Variants in MAN2A1 observed in about 807,000 individuals in gnomAD.
The protein encoded by MAN2A1 is alpha-mannosidase 2.
A neutral mutation model predicts 142.6 loss-of-function variants in MAN2A1; 76 were observed. The observed-to-expected ratio is 0.53, with a 90% CI of 0.44 to 0.65. The LOEUF is 0.65. MAN2A1 is among the 30% of genes least tolerant of loss of function. The probability of loss-of-function intolerance (pLI) is 0.00; values close to 1 mark genes in which losing one functional copy is unlikely to be tolerated. For synonymous variants in MAN2A1, 559 were observed against 473.2 expected, an observed-to-expected ratio of 1.18 and a Z score of -2.35; for missense variants, 1,311 against 1,365.1, an observed-to-expected ratio of 0.96 and a Z score of 0.62.
At chr5:109,756,492 T>C (rs539794785) in intron 5 of MAN2A1, among the ~76,000 whole-genome samples, 7 of 152,234 alleles carry the variant, frequency 4.6e-5, no homozygotes, top group Admixed American at 6.5e-5. Flanking sequence ...ATCCCTATTT[T>C]TTCTTTACTT....
intron 16 of MAN2A1, among the ~76,000 whole-genome samples, chr5:109,824,526 A>T (rs1034185612): frequency 6.6e-6 from 1 of 152,172 alleles, no homozygotes; most frequent in Non-Finnish European, 1.5e-5. Flanking sequence ...CCAACTACAG[A>T]TTTAATCCTA....
At chr5:109,826,540 CA>C (rs1754765684) in intron 16 of MAN2A1, among the ~76,000 whole-genome samples, 1 of 152,124 alleles carries the variant, frequency 6.6e-6, no homozygotes, top group Non-Finnish European at 1.5e-5. Flanking sequence ...CTCCTCTTAA[CA>C]AATCTCCCTC....
chr5:109,829,995 C>G (rs539565479), intron 16 of MAN2A1, among the ~76,000 whole-genome samples: 1 of 152,296 alleles, frequency 6.6e-6, no homozygotes, highest in East Asian at 1.9e-4. Flanking sequence ...CATACTTCCA[C>G]CTAAGCTTCA....
chr5:109,794,594 A>G (rs991430658), intron 12 of MAN2A1, among the ~76,000 whole-genome samples: 3 of 152,116 alleles, frequency 2.0e-5, no homozygotes, highest in Non-Finnish European at 2.9e-5. Flanking sequence ...AAGCTGAGAT[A>G]TTTTTACCTT....
chr5:109,733,397 A>G (rs1432278957), intron 4 of MAN2A1, among the ~76,000 whole-genome samples: 1 of 152,136 alleles, frequency 6.6e-6, no homozygotes, highest in African/African-American at 2.4e-5. Flanking sequence ...TTCCAACACT[A>G]TGTTGAATAG....
intron 8 of MAN2A1, among the ~76,000 whole-genome samples, chr5:109,778,897 C>T (rs779613022): frequency 4.6e-5 from 7 of 151,972 alleles, no homozygotes; most frequent in African/African-American, 9.7e-5. Flanking sequence ...GAAAAATTGA[C>T]GTGGAATAGC....
chr5:109,729,200 T>G, intron 3 of MAN2A1, 142 bp from the exon 4 acceptor site: 1 of 484,466 alleles, frequency 2.1e-6, no homozygotes, highest in East Asian at 3.6e-5. Context: ...GGAGTTTCAT[T>G]AATTGAAAAC....
chr5:109,865,175 T>A, intron 21 of MAN2A1, 29 bp downstream of exon 21: 1 of 1,494,766 alleles, frequency 6.7e-7, no homozygotes, highest in Non-Finnish European at 9.3e-7. Context: ...TTTTGCTTAC[T>A]GTTAGTGTGC....
At chr5:109,729,572 T>G (rs531540159) in intron 4 of MAN2A1, 59 bp downstream of exon 4, 1 of 876,318 alleles carries the variant, frequency 1.1e-6, no homozygotes, top group East Asian at 2.9e-5. Context: ...TACAATGAAC[T>G]AAGTATTGAA....
chr5:109,822,360 T>G (rs1355565882), intron 15 of MAN2A1, among the ~76,000 whole-genome samples: 1 of 152,182 alleles, frequency 6.6e-6, no homozygotes, highest in Non-Finnish European at 1.5e-5. Context: ...CTATAGAATT[T>G]CATGCGTAGA....
chr5:109,827,068 A>C (rs1754778297), intron 16 of MAN2A1, among the ~76,000 whole-genome samples: 1 of 152,170 alleles, frequency 6.6e-6, no homozygotes, highest in African/African-American at 2.4e-5. Flanking sequence ...CCTTAAACCA[A>C]CCAGATGCAG....
At chr5:109,758,324 T>C (rs979812844) in intron 5 of MAN2A1, among the ~76,000 whole-genome samples, 1 of 152,164 alleles carries the variant, frequency 6.6e-6, no homozygotes, top group South Asian at 2.1e-4. Context: ...ATAGATCTTT[T>C]AAGGATAAAT....
At chr5:109,838,972 C>T (rs1172938208) in intron 16 of MAN2A1, among the ~76,000 whole-genome samples, 1 of 152,120 alleles carries the variant, frequency 6.6e-6, no homozygotes, top group Admixed American at 6.5e-5. Flanking sequence ...TCTGGAGATA[C>T]ATGAATTAAA....
intron 1 of MAN2A1, among the ~76,000 whole-genome samples, chr5:109,693,384 G>A (rs1750726348): frequency 6.6e-6 from 1 of 151,426 alleles, no homozygotes; most frequent in South Asian, 2.1e-4. Context: ...TTGAGTTTTA[G>A]TAGAGCCAAG....
At chr5:109,785,291 A>G (rs1184386413) in intron 10 of MAN2A1, among the ~76,000 whole-genome samples, 2 of 151,958 alleles carry the variant, frequency 1.3e-5, no homozygotes, top group African/African-American at 4.8e-5. Context: ...AAAGATTCCT[A>G]CTTCATTGTA....
rs745915647 is a variant in MAN2A1, at chr5:109,788,932, A to G, written c.1761-2A>G. The G allele has an allele frequency of 7.0e-7, 1 of 1,431,382 alleles. No individual in the cohort carries two copies. The highest frequency in any genetic ancestry group is 1.2e-5 in the South Asian group (1 of 83,728). The allele number at this position is 1,431,382 out of a possible 1,614,324, so 88.7% of individuals were successfully genotyped here. A position where few individuals can be genotyped will look rare whatever the true frequency, so the allele number is the denominator to read the frequency against. On this transcript the variant is annotated splice_acceptor_variant, in intron 10 of 21. Transcript: ENST00000261483. LOFTEE classifies it high-confidence loss of function. ...CAGACTAATAAAATTTTTGATTTAC[A>G]GACTTTTTCATTCGTTAATGGTTTT...
Position 109,720,360 on chromosome 5 carries a change from G to T in MAN2A1, c.535+4096G>T, listed in dbSNP as rs918641628. On this transcript the variant is annotated intron_variant, in intron 3 of 21. Transcript: ENST00000261483. ...GTAGAACTTTTTATTGACTCAGAGG[G>T]TGATTAGGACTTTTTGCTTTTTTGT... Among the ~76,000 whole-genome samples, 14 of 152,268 alleles carry T rather than the reference G, an allele frequency of 9.2e-5. No homozygotes were observed. In the Middle Eastern group the frequency reaches 0.02, roughly 222 times the overall value.
chr5:109,790,945 A>C (rs1753723015), intron 12 of MAN2A1, among the ~76,000 whole-genome samples: 1 of 152,118 alleles, frequency 6.6e-6, no homozygotes, highest in Non-Finnish European at 1.5e-5. Flanking sequence ...TTGCCTTAGC[A>C]AACAATAATT....
chr5:109,820,416 T>A, intron 15 of MAN2A1, 74 bp downstream of exon 15: 1 of 1,383,906 alleles, frequency 7.2e-7, no homozygotes, highest in Admixed American at 2.1e-5. Context: ...GATAAGTGAG[T>A]GTCATTATTT....
Sources: gnomAD v4.1 joint callset for allele counts (sites outside exome capture counted in the v4.1 genomes callset) on GRCh38, gnomAD v4.1.1 for gene constraint, MANE v1.5 for transcripts, NCBI Gene and HGNC (gene_info 2026-07-23, HGNC 2026-07-21) for gene names.